NRG3: variants seen among roughly 807,000 people sequenced by gnomAD.
NRG3 encodes the protein pro-neuregulin-3, membrane-bound isoform.
NRG3 carries 31 observed loss-of-function variants against 66.9 expected under a neutral mutation model. The observed-to-expected ratio is 0.46, with a 90% CI of 0.35 to 0.63. The LOEUF is 0.63. NRG3 is among the 20% of genes least tolerant of loss of function. The pLI is 0.00. For missense variants in NRG3, 910 were observed against 878.9 expected (o/e 1.04, Z -0.45); for synonymous variants, 393 against 359.4 (o/e 1.09, Z -1.06).
chr10:82,799,543 G>C lies in NRG3; in HGVS notation c.1027+60893G>C, dbSNP rs867281808. 3.7e-4 allele frequency among the ~76,000 whole-genome samples: 44 copies of C among 119,668 alleles called. No homozygotes were observed. In the Middle Eastern group the frequency reaches 0.019, roughly 51 times the overall value. The allele number at this position is 119,668 out of a possible 152,430, so 78.5% of individuals were successfully genotyped here. On this transcript the variant is annotated intron_variant, in intron 3 of 8. Transcript: ENST00000372141. ...TTCCGTCTCAAAAAAAAAAAAAAAA[G>C]ACATTTCAGTCTAACGTAAAGGAAA...
Position 82,166,892 on chromosome 10 carries a change from T to A in NRG3, c.824-191847T>A, listed in dbSNP as rs1022627171. On this transcript the variant is annotated intron_variant, in intron 1 of 8. Coordinates refer to ENST00000372141, the MANE Select transcript of NRG3 (RefSeq NM_001010848.4). ...GGTATTTTTTTCTCAGTAGTTTTTTTTTATTCCCTCCTTGGTATTTTAAAG... is the reference window on the plus strand; with the variant it reads ...GGTATTTTTTTCTCAGTAGTTTTTTATTATTCCCTCCTTGGTATTTTAAAG... The A allele has an allele frequency of 3.6e-5, 21 of 587,196 alleles. No homozygotes were observed. In the African/African-American group the frequency reaches 3.9e-4, roughly 11 times the overall value. 36.4% of individuals were successfully genotyped at this position (587,196 alleles called of 1,614,324 possible).
chr10:81,994,742 T>C (rs1057277818), intron 1 of NRG3, among the ~76,000 whole-genome samples: 1 of 152,114 alleles, frequency 6.6e-6, no homozygotes, highest in Non-Finnish European at 1.5e-5. Flanking sequence ...TCTGATTATA[T>C]AGAAGTCAAA....
intron 2 of NRG3, among the ~76,000 whole-genome samples, chr10:82,374,927 C>G (rs2085118006): frequency 6.6e-6 from 1 of 152,130 alleles, no homozygotes; most frequent in Admixed American, 6.5e-5. Flanking sequence ...GTTCACATAC[C>G]TACCAAATAA....
At chr10:82,276,374 A>G (rs1049897902) in intron 1 of NRG3, among the ~76,000 whole-genome samples, 3 of 152,006 alleles carry the variant, frequency 2.0e-5, no homozygotes, top group Admixed American at 2.0e-4. Flanking sequence ...TCAATTAGAA[A>G]TATAGTTCAT....
chr10:82,131,238 T>A (rs1430533833), intron 1 of NRG3, among the ~76,000 whole-genome samples: 3 of 152,132 alleles, frequency 2.0e-5, no homozygotes, highest in Non-Finnish European at 4.4e-5. Flanking sequence ...GAGATAGGGG[T>A]CTAATTTCAT....
chr10:82,826,717 A>G (rs1033044431), intron 3 of NRG3, among the ~76,000 whole-genome samples: 1 of 152,130 alleles, frequency 6.6e-6, no homozygotes, highest in Non-Finnish European at 1.5e-5. Context: ...CTGAGTGCAC[A>G]TGGACGCAAA....
intron 2 of NRG3, among the ~76,000 whole-genome samples, chr10:82,561,297 G>C (rs1590674725): frequency 1.3e-5 from 2 of 152,062 alleles, no homozygotes; most frequent in African/African-American, 4.8e-5. Context: ...TGTTGTTGTT[G>C]TTAACTTTGC....
At chr10:82,984,275 C>T (rs555977127) in intron 8 of NRG3, among the ~76,000 whole-genome samples, 3 of 152,332 alleles carry the variant, frequency 2.0e-5, no homozygotes, top group African/African-American at 4.8e-5. Flanking sequence ...AAGAAGGGAA[C>T]TTAGAAGATT....
At chr10:82,877,549 T>C (rs1209782158) in intron 4 of NRG3, among the ~76,000 whole-genome samples, 2 of 131,282 alleles carry the variant, frequency 1.5e-5, no homozygotes, top group East Asian at 2.2e-4. Flanking sequence ...TTTTTTTTTT[T>C]TTTTTTTTTT....
At chr10:82,937,921 G>A (rs1399200566) in intron 4 of NRG3, among the ~76,000 whole-genome samples, 1 of 152,140 alleles carries the variant, frequency 6.6e-6, no homozygotes, top group Non-Finnish European at 1.5e-5. Context: ...AGCCTGAAAT[G>A]AGCTGTAAGT....
intron 4 of NRG3, among the ~76,000 whole-genome samples, chr10:82,876,002 G>A (rs1202590834): frequency 6.6e-6 from 1 of 152,182 alleles, no homozygotes; most frequent in African/African-American, 2.4e-5. Context: ...AAGATGTATT[G>A]AAGAAGTATG....
intron 1 of NRG3, among the ~76,000 whole-genome samples, chr10:82,263,842 A>G (rs1359750035): frequency 2.6e-5 from 4 of 152,362 alleles, no homozygotes; most frequent in South Asian, 4.1e-4. Flanking sequence ...TGATGCATCC[A>G]TTAGCAAATG....
chr10:82,349,780 TA>T (rs2083301021), intron 1 of NRG3, among the ~76,000 whole-genome samples: 2 of 152,338 alleles, frequency 1.3e-5, no homozygotes, highest in South Asian at 4.1e-4. Context: ...TGCCGTTTTT[TA>T]AGCCAGTCGG....
At chr10:82,477,470 T>C (rs1841886820) in intron 2 of NRG3, among the ~76,000 whole-genome samples, 1 of 152,194 alleles carries the variant, frequency 6.6e-6, no homozygotes, top group African/African-American at 2.4e-5. Context: ...ATTTTCCTAT[T>C]ATGTGTCCGA....
rs185217355 is a variant in NRG3 at position 82,616,133 on chromosome 10, A to C, written c.954-122444A>C. Reference sequence around the variant, plus strand: ...CAATGTCCTTCAACATCTTTTAAAAATGCATTTTAATTGCCATTGTAACTG... The same window carrying C: ...CAATGTCCTTCAACATCTTTTAAAACTGCATTTTAATTGCCATTGTAACTG... On this transcript the variant is annotated intron_variant, in intron 2 of 8. Transcript: ENST00000372141. Among the ~76,000 whole-genome samples the C allele has an allele frequency of 2.6e-3, 396 of 152,296 alleles. 3 individuals are homozygous for C. The highest frequency in any genetic ancestry group is 1.4e-3 in the Non-Finnish European group (94 of 68,016).
At chr10:82,834,952 C>G (rs1002920914) in intron 3 of NRG3, among the ~76,000 whole-genome samples, 1 of 152,164 alleles carries the variant, frequency 6.6e-6, no homozygotes, top group African/African-American at 2.4e-5. Context: ...TCCTTCATTT[C>G]CAGATGTGTT....
At chr10:82,361,085 T>C (rs1169211038) in intron 2 of NRG3, among the ~76,000 whole-genome samples, 2 of 152,244 alleles carry the variant, frequency 1.3e-5, no homozygotes, top group South Asian at 2.1e-4. Flanking sequence ...TTTTTGTAGA[T>C]AAATTCAGTC....
intron 2 of NRG3, among the ~76,000 whole-genome samples, chr10:82,381,933 C>T (rs925820818): frequency 1.3e-5 from 2 of 152,020 alleles, no homozygotes; most frequent in African/African-American, 4.8e-5. Context: ...TGAACATTCT[C>T]TTTAGTTTGG....
rs77250475 is a variant in NRG3, at chr10:82,757,136, T to C, written c.1027+18486T>C. Among the ~76,000 whole-genome samples the C allele has an allele frequency of 3.9e-3, 591 of 152,152 alleles. 4 individuals are homozygous for C. Among genetic ancestry groups the C allele is most frequent in the African/African-American group, 0.014 (567 of 41,550 alleles). On this transcript the variant is annotated intron_variant, in intron 3 of 8. Coordinates refer to ENST00000372141, the MANE Select transcript of NRG3 (RefSeq NM_001010848.4). ...AGGATTTGCTCTGGAGTATGAAAAG[T>C]GTGTCTTAGACTTATGTTTATACTC...
Sources: gnomAD v4.1 joint callset for allele counts (sites outside exome capture counted in the v4.1 genomes callset) on GRCh38, gnomAD v4.1.1 for gene constraint, MANE v1.5 for transcripts, NCBI Gene and HGNC (gene_info 2026-07-23, HGNC 2026-07-21) for gene names.